CCDC85A: variants seen among roughly 807,000 people sequenced by gnomAD.
CCDC85A encodes coiled-coil domain-containing protein 85A.
Under a neutral mutation model 50.2 loss-of-function variants are expected in CCDC85A, and 38 were observed. The observed-to-expected ratio is 0.76, with a 90% confidence interval of 0.58 to 0.99. The LOEUF (loss-of-function observed/expected upper bound fraction) is 0.99, where lower values mean the gene tolerates loss of function less well. Among genes scored for constraint, CCDC85A ranks in the 50% least tolerant of loss-of-function variants. The probability of loss-of-function intolerance (pLI) is 0.00; values close to 1 mark genes in which losing one functional copy is unlikely to be tolerated. For missense variants in CCDC85A, 820 were observed against 742.0 expected (o/e 1.11, Z -1.22); for synonymous variants, 366 against 301.4 (o/e 1.21, Z -2.22).
rs1676734389 is a variant in CCDC85A, at chr2:56,384,358, T to C, written c.*3T>C. The C allele has an allele frequency of 1.2e-6, 2 of 1,609,166 alleles. No homozygotes were observed. Among genetic ancestry groups the C allele is most frequent in the Non-Finnish European group, 1.7e-6 (2 of 1,176,604 alleles). ...ACCAGTACAAAGGACCAATGTGAGA[T>C]GCACTCTTTTTCAAACAGGAGATCA... On this transcript the variant is annotated 3_prime_UTR_variant, in exon 6 of 6. Transcript: ENST00000407595.
intron 2 of CCDC85A, among the ~76,000 whole-genome samples, chr2:56,294,364 A>G (rs948378619): frequency 6.6e-6 from 1 of 152,188 alleles, no homozygotes; most frequent in African/African-American, 2.4e-5. Context: ...GTGGGTTGAT[A>G]GATGTGGCAA....
intron 2 of CCDC85A, among the ~76,000 whole-genome samples, chr2:56,274,719 T>G (rs183722424): frequency 6.6e-6 from 1 of 152,346 alleles, no homozygotes; most frequent in Admixed American, 6.5e-5. Context: ...CATCATAATC[T>G]ATTAAGCGTA....
intron 3 of CCDC85A, among the ~76,000 whole-genome samples, chr2:56,354,614 A>G (rs1293958960): frequency 1.3e-5 from 2 of 152,182 alleles, no homozygotes. Flanking sequence ...ACTGTTTAGA[A>G]GAAGCTCTTG....
At chr2:56,311,493 GT>G (rs1672690012) in intron 2 of CCDC85A, among the ~76,000 whole-genome samples, 1 of 150,784 alleles carries the variant, frequency 6.6e-6, no homozygotes, top group Non-Finnish European at 1.5e-5. Context: ...TATACTTTAA[GT>G]TTTAGGGTAC....
intron 2 of CCDC85A, among the ~76,000 whole-genome samples, chr2:56,316,084 T>C (rs1413955964): frequency 6.6e-6 from 1 of 152,116 alleles, no homozygotes; most frequent in Non-Finnish European, 1.5e-5. Flanking sequence ...AGGAACATAG[T>C]GTCAAGGTTA....
chr2:56,317,883 G>A (rs991132634), intron 2 of CCDC85A, among the ~76,000 whole-genome samples: 7 of 151,990 alleles, frequency 4.6e-5, no homozygotes, highest in Non-Finnish European at 1.0e-4. Flanking sequence ...ACCTATGATC[G>A]CTTCACTCTC....
intron 2 of CCDC85A, among the ~76,000 whole-genome samples, chr2:56,197,402 G>T (rs755862180): frequency 2.6e-5 from 4 of 152,092 alleles, no homozygotes; most frequent in Non-Finnish European, 5.9e-5. Context: ...AATTGCCCCT[G>T]GTTCAAAACC....
chr2:56,216,540 A>T (rs1418276983), intron 2 of CCDC85A, among the ~76,000 whole-genome samples: 1 of 151,796 alleles, frequency 6.6e-6, no homozygotes, highest in Non-Finnish European at 1.5e-5. Flanking sequence ...TTCTTCTAAA[A>T]TACCGATTAT....
intron 3 of CCDC85A, among the ~76,000 whole-genome samples, chr2:56,368,909 A>G (rs1675939197): frequency 6.6e-6 from 1 of 152,078 alleles, no homozygotes; most frequent in Non-Finnish European, 1.5e-5. Flanking sequence ...GCGTGCAAAC[A>G]AAACTTTTTT....
At chr2:56,349,847 T>A (rs1316078840) in intron 3 of CCDC85A, among the ~76,000 whole-genome samples, 1 of 152,140 alleles carries the variant, frequency 6.6e-6, no homozygotes, top group East Asian at 1.9e-4. Flanking sequence ...AAACTTTTTT[T>A]ATTTGTAATA....
chr2:56,250,846 A>T (rs1368433166), intron 2 of CCDC85A, among the ~76,000 whole-genome samples: 2 of 152,146 alleles, frequency 1.3e-5, no homozygotes, highest in Non-Finnish European at 2.9e-5. Context: ...CATTTGAAAG[A>T]CTTTGGATAC....
chr2:56,333,725 A>T (rs1478256015), intron 2 of CCDC85A, among the ~76,000 whole-genome samples: 4 of 152,184 alleles, frequency 2.6e-5, no homozygotes, highest in African/African-American at 4.8e-5. Context: ...GTCAAAAAAA[A>T]TTTCCCAATG....
chr2:56,349,848 A>G (rs1236402686), intron 3 of CCDC85A, among the ~76,000 whole-genome samples: 2 of 151,884 alleles, frequency 1.3e-5, no homozygotes, highest in Admixed American at 6.6e-5. Context: ...AACTTTTTTT[A>G]TTTGTAATAG....
chr2:56,202,845 G>T (rs1379119597), intron 2 of CCDC85A, among the ~76,000 whole-genome samples: 2 of 152,134 alleles, frequency 1.3e-5, no homozygotes, highest in Admixed American at 1.3e-4. Context: ...GACAGCAAAT[G>T]CCAATTCACC....
chr2:56,245,912 A>T (rs1465783242), intron 2 of CCDC85A, among the ~76,000 whole-genome samples: 1 of 152,154 alleles, frequency 6.6e-6, no homozygotes, highest in Non-Finnish European at 1.5e-5. Context: ...GAACTGGGAG[A>T]AATAAATTTT....
chr2:56,311,594 A>G (rs1672694584), intron 2 of CCDC85A, among the ~76,000 whole-genome samples: 1 of 152,004 alleles, frequency 6.6e-6, no homozygotes, highest in African/African-American at 2.4e-5. Flanking sequence ...CATTAGGTAT[A>G]TCTCCTAATG....
intron 2 of CCDC85A, among the ~76,000 whole-genome samples, chr2:56,327,420 A>C (rs533091886): frequency 1.3e-5 from 2 of 152,268 alleles, no homozygotes; most frequent in East Asian, 3.9e-4. Flanking sequence ...TGTGGTGAGT[A>C]TGCATTTGGC....
At chr2:56,337,095 T>A (rs1674111681) in intron 2 of CCDC85A, among the ~76,000 whole-genome samples, 1 of 152,254 alleles carries the variant, frequency 6.6e-6, no homozygotes, top group Admixed American at 6.5e-5. Context: ...AGAAGTTGAA[T>A]TAGAAAAGCT....
chr2:56,378,950 A>G (rs754884103), intron 5 of CCDC85A, among the ~76,000 whole-genome samples: 7 of 152,264 alleles, frequency 4.6e-5, no homozygotes, highest in Non-Finnish European at 8.8e-5. Context: ...AACAACAAAC[A>G]GCACAGAAAG....
Sources: allele counts gnomAD v4.1 joint callset (sites outside exome capture counted in the v4.1 genomes callset), GRCh38; gene constraint gnomAD v4.1.1; transcripts MANE v1.5; gene names NCBI Gene and HGNC (gene_info 2026-07-23, HGNC 2026-07-21).